The following ME2 variants were observed in gnomAD, a reference collection of about 807,000 sequenced individuals.
ME2 encodes NAD-dependent malic enzyme, mitochondrial.
ME2 carries 60 observed loss-of-function variants against 73.7 expected under a neutral mutation model. The ratio of observed to expected loss-of-function variants is 0.81; its 90% CI spans 0.66 to 1.01. The LOEUF is 1.01. ME2 is among the 50% of genes least tolerant of loss of function. The probability of loss-of-function intolerance (pLI) is 0.00; values close to 1 mark genes in which losing one functional copy is unlikely to be tolerated. For synonymous variants in ME2, 199 were observed against 236.9 expected (o/e 0.84, Z 1.47); for missense variants, 594 against 705.5 (o/e 0.84, Z 1.79).
At chr18:50,891,502 C>G (rs1916604054) in intron 1 of ME2, among the ~76,000 whole-genome samples, 1 of 152,136 alleles carries the variant, frequency 6.6e-6, no homozygotes, top group South Asian at 2.1e-4. Flanking sequence ...TAAATACAGC[C>G]AATTAATTTA....
intron 3 of ME2, among the ~76,000 whole-genome samples, chr18:50,908,411 A>G (rs1004937807): frequency 1.4e-4 from 22 of 152,224 alleles, no homozygotes; most frequent in African/African-American, 5.3e-4. Context: ...TTATGCTTAC[A>G]GTCAGAGCAA....
intron 13 of ME2, 42 bp downstream of exon 13, chr18:50,932,402 T>C: frequency 2.1e-6 from 3 of 1,447,694 alleles, no homozygotes; most frequent in Non-Finnish European, 2.9e-6. Flanking sequence ...AATAGTTAAT[T>C]ATGTAAAAAT....
intron 15 of ME2, chr18:50,945,170 T>C (rs1168124447): frequency 1.3e-5 from 2 of 152,164 alleles, no homozygotes; most frequent in African/African-American, 2.4e-5. Flanking sequence ...CAGGCTGGAG[T>C]GAAGTGGTGC....
chr18:50,923,995 C>T, intron 10 of ME2, 103 bp from the exon 11 acceptor site: 1 of 669,610 alleles, frequency 1.5e-6, no homozygotes, highest in Non-Finnish European at 2.5e-6. Flanking sequence ...AATGAAAAGA[C>T]ATTTCTATTG....
chr18:50,920,116 TTAAC>T (rs754849693), intron 7 of ME2, among the ~76,000 whole-genome samples: 5 of 152,210 alleles, frequency 3.3e-5, no homozygotes, highest in Admixed American at 2.0e-4. Context: ...GTGTTGCTGT[TTAAC>T]TATTAATGTA....
chr18:50,947,200 A>T lies in ME2; in HGVS notation c.*16A>T, dbSNP rs775359357. On this transcript the variant is annotated 3_prime_UTR_variant, in exon 16 of 16. Transcript: ENST00000321341. ...AACAGAATAGAAGCACTCCCCTGAT[A>T]AATACTTTCTGTGCTCCAGGGAACC... 4 of 1,607,548 alleles carry T rather than the reference A, an allele frequency of 2.5e-6. No individual in the cohort carries two copies. The highest frequency in any genetic ancestry group is 1.1e-5 in the South Asian group (1 of 90,372).
chr18:50,930,261 A>AAAAT (rs1218274905), intron 12 of ME2, among the ~76,000 whole-genome samples: 1 of 152,164 alleles, frequency 6.6e-6, no homozygotes, highest in African/African-American at 2.4e-5. Flanking sequence ...CCCCGTCTCA[A>AAAAT]AAATAAATAA....
At position 50,900,463 on chromosome 18, in the gene ME2, T is replaced by G. The variant is rs57121258; in HGVS notation, c.108+4535T>G. On this transcript the variant is annotated intron_variant, in intron 2 of 15. Transcript: ENST00000321341. Reference sequence around the variant, plus strand: ...GCGCCTGCCACCATGCTCAGCTAATTTTTTGTATTTTTAGTAGAGATGGTG... The same window carrying G: ...GCGCCTGCCACCATGCTCAGCTAATGTTTTGTATTTTTAGTAGAGATGGTG... 4.1e-3 allele frequency among the ~76,000 whole-genome samples: 618 copies of G among 151,610 alleles called. 10 individuals carry two copies. In the East Asian group the frequency reaches 0.065, roughly 16 times the overall value.
chr18:50,880,709 C>T (rs1568155025), intron 1 of ME2, among the ~76,000 whole-genome samples: 1 of 151,982 alleles, frequency 6.6e-6, no homozygotes, highest in Admixed American at 6.6e-5. Context: ...TTAGCGACCG[C>T]GCCTAGCTCC....
intron 2 of ME2, among the ~76,000 whole-genome samples, chr18:50,903,617 T>G (rs1916941776): frequency 1.3e-5 from 2 of 152,054 alleles, no homozygotes; most frequent in African/African-American, 4.8e-5. Context: ...ACCTGGCTAA[T>G]TTTTGTATTT....
chr18:50,909,559 A>C (rs1045748409), intron 3 of ME2, among the ~76,000 whole-genome samples: 19 of 152,180 alleles, frequency 1.2e-4, no homozygotes, highest in Non-Finnish European at 5.9e-5. Flanking sequence ...AGAACTAAGC[A>C]TATCAATTGA....
intron 10 of ME2, among the ~76,000 whole-genome samples, chr18:50,922,072 A>T (rs1395887333): frequency 1.3e-5 from 2 of 152,220 alleles, no homozygotes; most frequent in African/African-American, 4.8e-5. Context: ...CTGTGGAGCA[A>T]GCTATCTAAA....
chr18:50,883,392 G>A (rs923889999), intron 1 of ME2, among the ~76,000 whole-genome samples: 2 of 152,218 alleles, frequency 1.3e-5, no homozygotes. Flanking sequence ...AGGGAGAATA[G>A]TCTCCAGCAG....
chr18:50,898,996 G>A (rs2144202577), intron 2 of ME2, among the ~76,000 whole-genome samples: 1 of 152,230 alleles, frequency 6.6e-6, no homozygotes, highest in Non-Finnish European at 1.5e-5. Flanking sequence ...CTGAAATTCA[G>A]CTCTGCATCC....
chr18:50,939,300 G>A (rs555587335), intron 13 of ME2: 60 of 301,180 alleles, frequency 2.0e-4, no homozygotes, highest in African/African-American at 1.0e-3. Context: ...TAAAACAAGC[G>A]TTGATGAATT....
At chr18:50,898,177 T>G (rs546662838) in intron 2 of ME2, among the ~76,000 whole-genome samples, 62 of 152,340 alleles carry the variant, frequency 4.1e-4, no homozygotes, top group Admixed American at 1.3e-3. Context: ...AATAAAATAG[T>G]AATTAAAGGC....
At chr18:50,928,822 A>G in intron 12 of ME2, among the ~76,000 whole-genome samples, 1 of 152,054 alleles carries the variant, frequency 6.6e-6, no homozygotes, top group East Asian at 1.9e-4. Flanking sequence ...CTCTGTCATC[A>G]TGAGACTTTG....
rs542632839 is a variant in ME2 at position 50,918,519 on chromosome 18, C to T, written c.734+306C>T. On this transcript the variant is annotated intron_variant, in intron 7 of 15. Coordinates refer to ENST00000321341, the MANE Select transcript of ME2 (RefSeq NM_002396.5). ...CAGCCTTGACCTTCAGGCTCACGCC[C>T]ACCATTCCACTGAAGCTCTTGTGCA... Among the ~76,000 whole-genome samples, 13 of 152,238 alleles carry T rather than the reference C, an allele frequency of 8.5e-5. No individual in the cohort carries two copies. The South Asian group carries it at 2.3e-3, about 27-fold the overall frequency.
intron 15 of ME2, among the ~76,000 whole-genome samples, chr18:50,945,434 T>C (rs144234737): frequency 1.2e-3 from 178 of 152,314 alleles, no homozygotes; most frequent in African/African-American, 4.1e-3. Context: ...CTTAGGTTTT[T>C]AACCTCAGAT....
Sources: allele counts gnomAD v4.1 joint callset (sites outside exome capture counted in the v4.1 genomes callset), GRCh38; gene constraint gnomAD v4.1.1; transcripts MANE v1.5; gene names NCBI Gene and HGNC (gene_info 2026-07-23, HGNC 2026-07-21).